MEGF10: variants seen among roughly 807,000 people sequenced by gnomAD.
MEGF10 encodes the protein multiple EGF like domains 10, also known as multiple epidermal growth factor-like domains protein 10.
In MEGF10, 86 loss-of-function variants were observed where a neutral mutation model predicts 147.5. The observed-to-expected ratio is 0.58, with a 90% CI of 0.49 to 0.70. MEGF10 has a LOEUF of 0.70. Ranked by LOEUF, MEGF10 falls within the 30% of genes least tolerant of loss-of-function variation. The pLI, the probability that MEGF10 is intolerant of heterozygous loss-of-function variation, is 0.00. For missense variants in MEGF10, 1,329 were observed against 1,487.3 expected (o/e 0.89, Z 1.75); for synonymous variants, 478 against 525.5 (o/e 0.91, Z 1.24).
the MEGF10 span, among the ~76,000 whole-genome samples, chr5:127,254,069 A>C: frequency 6.6e-6 from 1 of 152,104 alleles, no homozygotes; most frequent in Non-Finnish European, 1.5e-5. Context: ...AAAGTAAAAA[A>C]TTTCCAACAG....
At chr5:127,424,648 C>T (rs752164943) in intron 13 of MEGF10, 101 of 1,052,442 alleles carry the variant, frequency 9.6e-5, no homozygotes, top group Non-Finnish European at 1.2e-4. Flanking sequence ...GGGAAACAGG[C>T]TAAGGCTGGT....
chr5:127,390,462 G>T (rs1009193775), intron 5 of MEGF10, among the ~76,000 whole-genome samples: 1 of 151,956 alleles, frequency 6.6e-6, no homozygotes, highest in Non-Finnish European at 1.5e-5. Context: ...GCTAATTTTT[G>T]TATATTTTTG....
intron 10 of MEGF10, 52 bp downstream of exon 10, chr5:127,417,864 T>G: frequency 1.9e-6 from 3 of 1,558,696 alleles, no homozygotes; most frequent in Non-Finnish European, 2.6e-6. Flanking sequence ...GTGTGAAGCA[T>G]CTCAATACCA....
chr5:127,250,238 A>G, the MEGF10 span, among the ~76,000 whole-genome samples: 1 of 152,082 alleles, frequency 6.6e-6, no homozygotes, highest in East Asian at 1.9e-4. Flanking sequence ...CAGTTTGTCA[A>G]GAAGAGACAG....
chr5:127,317,895 A>G (rs1234578982), intron 1 of MEGF10, among the ~76,000 whole-genome samples: 1 of 151,698 alleles, frequency 6.6e-6, no homozygotes, highest in African/African-American at 2.4e-5. Flanking sequence ...TAGAACTTAA[A>G]GTGTAATAAA....
At chr5:127,253,282 A>G in the MEGF10 span, among the ~76,000 whole-genome samples, 1 of 151,954 alleles carries the variant, frequency 6.6e-6, no homozygotes, top group Non-Finnish European at 1.5e-5. Flanking sequence ...AGTATGAAGG[A>G]GTGTTTAGAT....
chr5:127,422,687 G>T lies in MEGF10; in HGVS notation c.1608G>T (p.Leu536=). ...CCATGCAGGATGGCACGTACGGGCT[G>T]AACTGTGCTGAGCGCTGCGACTGCA... ...ELPCQDGTYG[L]NCAERCDCSH... Residue 536 remains leucine, a synonymous_variant, in exon 13 of 25, where the codon CTG becomes CTT. Transcript: ENST00000503335. 6.2e-7 allele frequency: 1 copy of T among 1,613,986 alleles called. No individual in the cohort carries two copies. Among genetic ancestry groups the T allele is most frequent in the Non-Finnish European group, 8.5e-7 (1 of 1,179,922 alleles).
chr5:127,437,402 C>A lies in MEGF10; in HGVS notation c.2105-1037C>A, dbSNP rs72790422. Among the ~76,000 whole-genome samples, 60 of 152,168 alleles carry A rather than the reference C, an allele frequency of 3.9e-4. No individual in the cohort carries two copies. In the South Asian group the frequency reaches 0.012, roughly 32 times the overall value. Reference sequence around the variant, plus strand: ...CTCAAGTGTCAGCTAGTATTTTCCCCTTGCTCTTGGACATGGTGCACACAA... The same window carrying A: ...CTCAAGTGTCAGCTAGTATTTTCCCATTGCTCTTGGACATGGTGCACACAA... On this transcript the variant is annotated intron_variant, in intron 16 of 24. Transcript: ENST00000503335.
the MEGF10 span, among the ~76,000 whole-genome samples, chr5:127,237,299 C>G: frequency 6.6e-6 from 1 of 152,066 alleles, no homozygotes; most frequent in East Asian, 1.9e-4. Context: ...TCAAGACCAG[C>G]CTGGCCAACA....
chr5:127,247,460 A>AGAAGAAGAAGAAGAAGAAG, the MEGF10 span, among the ~76,000 whole-genome samples: 1 of 140,434 alleles, frequency 7.1e-6, no homozygotes, highest in African/African-American at 2.7e-5. Context: ...AAGAAGAAGA[A>AGAAGAAGAAGAAGAAGAAG]GAAGAAGAAG....
chr5:127,397,755 C>T (rs1763973805), intron 6 of MEGF10, among the ~76,000 whole-genome samples: 1 of 151,974 alleles, frequency 6.6e-6, no homozygotes, highest in Non-Finnish European at 1.5e-5. Flanking sequence ...TTGAACTGGG[C>T]TGTGGGAAAC....
At chr5:127,369,076 C>G (rs1762755285) in intron 4 of MEGF10, among the ~76,000 whole-genome samples, 1 of 152,056 alleles carries the variant, frequency 6.6e-6, no homozygotes, top group Non-Finnish European at 1.5e-5. Context: ...GCACCTCATC[C>G]CACCCTTAAA....
chr5:127,250,392 TAAA>T, the MEGF10 span, among the ~76,000 whole-genome samples: 1 of 151,728 alleles, frequency 6.6e-6, no homozygotes, highest in Non-Finnish European at 1.5e-5. Context: ...TATAAATAGA[TAAA>T]AAAAATTTAT....
At chr5:127,439,941 G>A (rs1356463567) in intron 17 of MEGF10, among the ~76,000 whole-genome samples, 3 of 152,228 alleles carry the variant, frequency 2.0e-5, no homozygotes, top group African/African-American at 4.8e-5. Context: ...TGGCATCTGG[G>A]CACTGCCTCT....
intron 9 of MEGF10, among the ~76,000 whole-genome samples, chr5:127,416,813 C>T (rs1193830666): frequency 6.6e-6 from 1 of 152,170 alleles, no homozygotes; most frequent in African/African-American, 2.4e-5. Flanking sequence ...ATTACATCCT[C>T]AGTCTTCATC....
At chr5:127,399,420 A>G (rs1040368353) in intron 7 of MEGF10, among the ~76,000 whole-genome samples, 1 of 152,212 alleles carries the variant, frequency 6.6e-6, no homozygotes, top group Non-Finnish European at 1.5e-5. Flanking sequence ...TTCAAATTAG[A>G]CATCTGAAAT....
chr5:127,433,548 C>G, intron 14 of MEGF10, 39 bp downstream of exon 14: 1 of 1,558,432 alleles, frequency 6.4e-7, no homozygotes, highest in Non-Finnish European at 8.7e-7. Context: ...ACCTTCCCTT[C>G]CCTGGGCACC....
At chr5:127,359,058 G>GT (rs75925894) in intron 4 of MEGF10, among the ~76,000 whole-genome samples, 13,265 of 141,598 alleles carry the variant, frequency 0.094, 848 homozygotes, top group African/African-American at 0.19. Context: ...AAGCTGTTTT[G>GT]TTTTTTTTTT....
At chr5:127,389,781 G>A (rs1763574703) in intron 5 of MEGF10, among the ~76,000 whole-genome samples, 1 of 152,110 alleles carries the variant, frequency 6.6e-6, no homozygotes, top group South Asian at 2.1e-4. Context: ...CAAGTGGAGG[G>A]TGGGAGGAGG....
Sources: allele counts gnomAD v4.1 joint callset (sites outside exome capture counted in the v4.1 genomes callset), GRCh38; gene constraint gnomAD v4.1.1; transcripts MANE v1.5; gene names NCBI Gene and HGNC (gene_info 2026-07-23, HGNC 2026-07-21).